ADGRG6: variants seen among roughly 807,000 people sequenced by gnomAD.
ADGRG6 encodes adhesion G protein-coupled receptor G6, also known as G-protein coupled receptor 126.
ADGRG6 carries 84 observed loss-of-function variants against 142.4 expected under a neutral mutation model. The ratio of observed to expected loss-of-function variants is 0.59; its 90% CI spans 0.49 to 0.71. The LOEUF (loss-of-function observed/expected upper bound fraction) is 0.71. Ranked by LOEUF, ADGRG6 falls within the 30% of genes least tolerant of loss-of-function variation. The pLI is 0.00. For missense variants in ADGRG6, 1,367 were observed against 1,466.6 expected, an observed-to-expected ratio of 0.93 and a Z score of 1.11; for synonymous variants, 521 against 520.5, an observed-to-expected ratio of 1.00 and a Z score of -0.01.
chr6:142,389,080 T>C (rs1220560790), intron 6 of ADGRG6, among the ~76,000 whole-genome samples: 1 of 152,030 alleles, frequency 6.6e-6, no homozygotes, highest in Non-Finnish European at 1.5e-5. Context: ...TAAATTAAAC[T>C]CACCTGTGCT....
rs890232581 is a variant in ADGRG6, at chr6:142,405,747, A to T, written c.2187A>T (p.Leu729Phe). 6.2e-7 allele frequency: 1 copy of T among 1,608,066 alleles called. No individual in the cohort carries two copies. Among genetic ancestry groups the T allele is most frequent in the African/African-American group, 1.3e-5 (1 of 74,808 alleles). Residue 729 changes from leucine (L) to phenylalanine (F), a missense_variant, in exon 15 of 25, where the codon TTA (leucine) becomes TTT (phenylalanine). Coordinates refer to ENST00000367609, the MANE Select transcript of ADGRG6 (RefSeq NM_198569.3). ...PLASVILPPNLLENLSPEDSV... is the reference protein window; with the variant it reads ...PLASVILPPNFLENLSPEDSV... ...CATCTGTAATTTTGCCTCCAAACTT[A>T]CTTGAGAATTTAAGTCCAGAAGATT...
intron 2 of ADGRG6, among the ~76,000 whole-genome samples, chr6:142,342,525 C>T (rs1013722752): frequency 6.6e-6 from 1 of 152,142 alleles, no homozygotes; most frequent in East Asian, 1.9e-4. Context: ...CCTGAGCATT[C>T]TTATTGATAC....
chr6:142,419,789 C>CT, intron 21 of ADGRG6, 32 bp from the exon 22 acceptor site: 3 of 1,543,926 alleles, frequency 1.9e-6, no homozygotes, highest in Non-Finnish European at 1.8e-6. Flanking sequence ...GGTAATAAAT[C>CT]TTTTTTTCTT....
chr6:142,309,775 A>T, intron 2 of ADGRG6, 131 bp downstream of exon 2: 1 of 525,426 alleles, frequency 1.9e-6, no homozygotes, highest in Non-Finnish European at 3.2e-6. Flanking sequence ...CTATCCTTAT[A>T]GGGCAGTTTT....
At chr6:142,317,097 A>G (rs1778114306) in intron 2 of ADGRG6, among the ~76,000 whole-genome samples, 1 of 152,076 alleles carries the variant, frequency 6.6e-6, no homozygotes, top group South Asian at 2.1e-4. Context: ...TTTCTCTCAG[A>G]GCTTTTGCTA....
chr6:142,418,191 G>T (rs1442599352), intron 21 of ADGRG6, among the ~76,000 whole-genome samples: 1 of 151,380 alleles, frequency 6.6e-6, no homozygotes, highest in Non-Finnish European at 1.5e-5. Context: ...GCTACTACTC[G>T]GGAGGCTGAG....
chr6:142,402,183 G>A, intron 12 of ADGRG6, 125 bp downstream of exon 12: 2 of 552,578 alleles, frequency 3.6e-6, no homozygotes, highest in Non-Finnish European at 6.5e-6. Flanking sequence ...AAAGGCAAAT[G>A]ATTGTTTCAC....
chr6:142,379,314 CTCTT>C (rs1329971362), intron 4 of ADGRG6, among the ~76,000 whole-genome samples: 1 of 152,166 alleles, frequency 6.6e-6, no homozygotes, highest in Non-Finnish European at 1.5e-5. Context: ...CTGTATCTAT[CTCTT>C]TCTGTCAATC....
intron 6 of ADGRG6, 25 bp downstream of exon 6, chr6:142,383,868 T>G (rs1562355079): frequency 8.9e-7 from 1 of 1,120,768 alleles, no homozygotes; most frequent in Admixed American, 1.8e-5. Flanking sequence ...CCTTTTATAT[T>G]TTTAGTATGT....
chr6:142,376,068 A>G (rs920196025), intron 4 of ADGRG6, among the ~76,000 whole-genome samples: 1 of 152,170 alleles, frequency 6.6e-6, no homozygotes, highest in Non-Finnish European at 1.5e-5. Flanking sequence ...TTAGCAGTAA[A>G]TCTGCTTCAT....
At position 142,367,584 on chromosome 6, in the gene ADGRG6, A is replaced by G. The variant is rs367816376; in HGVS notation, c.119A>G (p.Asn40Ser). The stretch of plus-strand genomic sequence containing the variant: ...TGGCCAGCAGTGTGGGGATGTGCCA[A>G]CTGCCGAGTGGTTTTGTCCAACCCT... Reference protein sequence around the residue: ...CVPHSVWGCANCRVVLSNPSG... With the variant: ...CVPHSVWGCASCRVVLSNPSG... Residue 40 changes from asparagine to serine, a missense_variant, in exon 3 of 25, where the codon AAC (asparagine) becomes AGC (serine). By Grantham distance (46) the Asn-to-Ser change is conservative. This residue lies in a region of ADGRG6 where 737 missense variants were observed against 746.5 expected (regional missense o/e 0.99). Coordinates refer to ENST00000367609, the MANE Select transcript of ADGRG6 (RefSeq NM_198569.3). 5.6e-6 allele frequency: 9 copies of G among 1,613,146 alleles called. No individual in the cohort carries two copies. The highest frequency in any genetic ancestry group is 1.7e-5 in the Admixed American group (1 of 59,930).
In ADGRG6 at chr6:142,390,279, C is replaced by T. The variant is rs756919427; in HGVS notation, c.1244C>T (p.Ser415Phe). 5.0e-6 allele frequency: 8 copies of T among 1,589,626 alleles called. No homozygotes were observed. Among genetic ancestry groups the T allele is most frequent in the Non-Finnish European group, 6.9e-6 (8 of 1,161,090 alleles). ...GCAGATGGAATTATCTATAGAATAT[C>T]CGTAGTGATTCAGAACATCCTTCGT... ...QRNDGIIYRI[S>F]VVIQNILRHP... is the part of the protein sequence containing the mutation. The change falls in exon 7 of 25, where the codon TCC becomes TTC. Residue 415 changes from serine (S) to phenylalanine (F), a missense_variant. Transcript: ENST00000367609.
chr6:142,436,137 G>C (rs1038642016), intron 22 of ADGRG6, among the ~76,000 whole-genome samples: 2 of 152,072 alleles, frequency 1.3e-5, no homozygotes, highest in Non-Finnish European at 2.9e-5. Flanking sequence ...AGAGAAAGGG[G>C]CAGAACCAAA....
rs778207076 is a variant in ADGRG6 at position 142,370,224 on chromosome 6, A to G, written c.500A>G (p.Tyr167Cys). 6.2e-7 allele frequency: 1 copy of G among 1,608,556 alleles called. No homozygotes were observed. The highest frequency in any genetic ancestry group is 8.5e-7 in the Non-Finnish European group (1 of 1,175,084). Residue 167 changes from tyrosine to cysteine, a missense_variant, in exon 4 of 25, where the codon TAC (tyrosine) becomes TGC (cysteine). This residue lies in a region of ADGRG6 where 737 missense variants were observed against 746.5 expected (regional missense o/e 0.99). Transcript: ENST00000367609. ...KVILPQTSDA[Y>C]QVSVAKSISI... Reference sequence around the variant, plus strand: ...ATTTTACCCCAGACATCAGATGCTTACCAGGTATCTGTTGCAAAAAGCATC... The same window carrying G: ...ATTTTACCCCAGACATCAGATGCTTGCCAGGTATCTGTTGCAAAAAGCATC...
rs759609818 is a variant in ADGRG6 at position 142,383,840 on chromosome 6, A to C, written c.1219A>C (p.Asn407His). 1 of 1,466,102 alleles carries C rather than the reference A, an allele frequency of 6.8e-7. No individual in the cohort carries two copies. Among genetic ancestry groups the C allele is most frequent in the South Asian group, 1.1e-5 (1 of 87,586 alleles). 90.8% of individuals were successfully genotyped at this position (1,466,102 alleles called of 1,614,324 possible). Residue 407 changes from asparagine (N) to histidine (H), a missense_variant, in exon 6 of 25, where the codon AAT (asparagine) becomes CAT (histidine). Asn to His is a moderately conservative substitution (Grantham distance 68, BLOSUM62 1). Around this residue, in one of 3 missense-constraint regions of ADGRG6, gnomAD observed 737 missense variants for 746.5 expected, o/e 0.99. Transcript: ENST00000367609. ...PVTNRIDKQR[N>H]DGIIYRISVV... The stretch of plus-strand genomic sequence containing the variant: ...TACTAACAGAATCGATAAACAAAGG[A>C]ATGGTAAGAAATCATTACCTTTTAT...
intron 2 of ADGRG6, among the ~76,000 whole-genome samples, chr6:142,315,466 G>A (rs949201856): frequency 2.6e-5 from 4 of 152,032 alleles, no homozygotes; most frequent in African/African-American, 7.2e-5. Context: ...TGGGGAGGAA[G>A]GTTTTGAGGT....
chr6:142,343,660 C>A (rs1356847446), intron 2 of ADGRG6, among the ~76,000 whole-genome samples: 3 of 151,526 alleles, frequency 2.0e-5, no homozygotes, highest in Non-Finnish European at 3.0e-5. Flanking sequence ...ATTACCATTG[C>A]AAAAAAGAGC....
chr6:142,314,950 T>A (rs573775975), intron 2 of ADGRG6, among the ~76,000 whole-genome samples: 1 of 149,262 alleles, frequency 6.7e-6, no homozygotes, highest in Non-Finnish European at 1.5e-5. Flanking sequence ...AAGACCTCCT[T>A]AGCCTACAGT....
At position 142,444,352 on chromosome 6, in the gene ADGRG6, TGG is replaced by T. The variant is rs1281774334; in HGVS notation, c.*839_*840del. On this transcript the variant is annotated 3_prime_UTR_variant, in exon 25 of 25. Transcript: ENST00000367609. ...ACTGTATATTAAGCCCATAGGCTTG[TGG>T]GAGGAAGGAGAATTTCCATTAGGCA... 6.6e-6 allele frequency: 1 copy of T among 152,168 alleles called. No homozygotes were observed. Among genetic ancestry groups the T allele is most frequent in the Non-Finnish European group, 1.5e-5 (1 of 68,026 alleles). The allele number at this position is 152,168 out of a possible 1,614,324, so 9.4% of individuals were successfully genotyped here. A position where few individuals can be genotyped will look rare whatever the true frequency, so the allele number is the denominator to read the frequency against.
Sources: gnomAD v4.1 joint callset for allele counts (sites outside exome capture counted in the v4.1 genomes callset) on GRCh38, gnomAD v4.1.1 for gene constraint, gnomAD v4.1.1 regional missense constraint, MANE v1.5 for transcripts, NCBI Gene and HGNC (gene_info 2026-07-23, HGNC 2026-07-21) for gene names.